Variants in DOCK2 observed in about 807,000 individuals in gnomAD.
The protein encoded by DOCK2 is dedicator of cytokinesis protein 2.
In DOCK2, 87 loss-of-function variants were observed where a neutral mutation model predicts 248.9. The ratio of observed to expected loss-of-function variants is 0.35; its 90% CI spans 0.29 to 0.42. The LOEUF (loss-of-function observed/expected upper bound fraction) is 0.42. Ranked by LOEUF, DOCK2 falls within the 10% of genes least tolerant of loss-of-function variation. The pLI, the probability that DOCK2 is intolerant of heterozygous loss-of-function variation, is 1.00. For synonymous variants in DOCK2, 805 were observed against 821.6 expected, an observed-to-expected ratio of 0.98 and a Z score of 0.35; for missense variants, 1,747 against 2,300.2, an observed-to-expected ratio of 0.76 and a Z score of 4.92.
intron 15 of DOCK2, among the ~76,000 whole-genome samples, 181 bp downstream of exon 15, chr5:169,708,448 C>T (rs183841402): frequency 3.5e-4 from 54 of 152,180 alleles, no homozygotes; most frequent in African/African-American, 1.2e-3. Context: ...AGCCTGACCA[C>T]GACCACGCTG....
In DOCK2 at chr5:169,894,563, AG is replaced by A. The variant is rs200147973; in HGVS notation, c.2799+53717del. Reference sequence around the variant, plus strand: ...GAAGAATTTTCACAAGGGGAAGAGAAGGGGGGAAGTTTATGGTCTGATCTAA... The same window carrying A: ...GAAGAATTTTCACAAGGGGAAGAGAAGGGGGAAGTTTATGGTCTGATCTAA... On this transcript the variant is annotated intron_variant, in intron 27 of 51. Coordinates refer to ENST00000520908, the MANE Select transcript of DOCK2 (RefSeq NM_004946.3). Among the ~76,000 whole-genome samples, 951 of 152,298 alleles carry A rather than the reference AG, an allele frequency of 6.2e-3. 3 individuals are homozygous for A. Among genetic ancestry groups the A allele is most frequent in the East Asian group, 9.8e-3 (51 of 5,186 alleles).
chr5:170,020,851 T>C (rs1020449011), intron 33 of DOCK2, among the ~76,000 whole-genome samples: 2 of 152,374 alleles, frequency 1.3e-5, no homozygotes, highest in Non-Finnish European at 2.9e-5. Flanking sequence ...GTTTCAAGGT[T>C]AAATACCTTT....
chr5:169,883,796 G>T, intron 27 of DOCK2: 1 of 1,551,600 alleles, frequency 6.4e-7, no homozygotes. Context: ...CTCACCTGCT[G>T]GGATTTGCTC....
At chr5:169,825,811 C>G (rs978765765) in intron 26 of DOCK2, among the ~76,000 whole-genome samples, 1 of 146,408 alleles carries the variant, frequency 6.8e-6, no homozygotes, top group African/African-American at 2.5e-5. Flanking sequence ...AATATTGAAA[C>G]GTTTGCATAA....
rs952502443 is a variant in DOCK2, at chr5:169,883,703, C to G, written c.2799+42851C>G. The stretch of plus-strand genomic sequence containing the variant: ...TGGTGCCTGGTTGCTTGAGTCTTCC[C>G]CATCACAGCCGGGTCTTCTGGAGTT... On this transcript the variant is annotated intron_variant, in intron 27 of 51. Transcript: ENST00000520908. The G allele has an allele frequency of 3.9e-6, 6 of 1,551,318 alleles. No homozygotes were observed. The highest frequency in any genetic ancestry group is 3.3e-4 in the Middle Eastern group (2 of 5,984).
At chr5:169,858,592 T>C (rs1771016034) in intron 27 of DOCK2, among the ~76,000 whole-genome samples, 1 of 152,294 alleles carries the variant, frequency 6.6e-6, no homozygotes, top group Admixed American at 6.5e-5. Context: ...ACATACCTAG[T>C]CTTACTTCCT....
At chr5:170,039,333 A>T (rs1756432883) in intron 36 of DOCK2, among the ~76,000 whole-genome samples, 1 of 152,146 alleles carries the variant, frequency 6.6e-6, no homozygotes, top group African/African-American at 2.4e-5. Flanking sequence ...CTAGTACCAT[A>T]GACCACTCCT....
intron 22 of DOCK2, among the ~76,000 whole-genome samples, chr5:169,741,364 T>C (rs1044842185): frequency 1.3e-5 from 2 of 152,184 alleles, no homozygotes; most frequent in African/African-American, 4.8e-5. Context: ...ATGAACAGGA[T>C]TGGGAAGTGC....
intron 27 of DOCK2, among the ~76,000 whole-genome samples, chr5:169,916,135 G>A (rs927228132): frequency 1.3e-5 from 2 of 152,294 alleles, no homozygotes; most frequent in South Asian, 2.1e-4. Flanking sequence ...CCTGATTCCC[G>A]GGATTTACTC....
At chr5:169,928,748 AG>A (rs1775601422) in intron 27 of DOCK2, among the ~76,000 whole-genome samples, 1 of 152,260 alleles carries the variant, frequency 6.6e-6, no homozygotes, top group African/African-American at 2.4e-5. Flanking sequence ...ACAGTTATAC[AG>A]GAATGAGTGG....
chr5:169,668,387 C>T (rs778980160), intron 2 of DOCK2, among the ~76,000 whole-genome samples: 8 of 152,130 alleles, frequency 5.3e-5, no homozygotes, highest in Admixed American at 2.6e-4. Context: ...AGGACCTGGC[C>T]GTCAGGCTGG....
intron 27 of DOCK2, chr5:169,882,488 T>C: frequency 2.9e-6 from 4 of 1,358,126 alleles, no homozygotes; most frequent in Non-Finnish European, 3.0e-6. Flanking sequence ...CAAAGCTGTC[T>C]CTGCCCCTGT....
At chr5:170,048,470 G>A (rs1288242441) in intron 40 of DOCK2, among the ~76,000 whole-genome samples, 1 of 152,114 alleles carries the variant, frequency 6.6e-6, no homozygotes, top group African/African-American at 2.4e-5. Flanking sequence ...TGCAATTTTA[G>A]GAAAAATAGC....
intron 27 of DOCK2, among the ~76,000 whole-genome samples, chr5:169,973,000 T>C (rs1421008659): frequency 6.6e-6 from 1 of 152,102 alleles, no homozygotes; most frequent in Non-Finnish European, 1.5e-5. Flanking sequence ...AGGGAGGAAG[T>C]GCTAAAAGAG....
chr5:170,021,226 C>T (rs9313483), intron 33 of DOCK2, among the ~76,000 whole-genome samples: 5,384 of 152,154 alleles, frequency 0.035, 186 homozygotes, highest in African/African-American at 0.096. Context: ...AAGGTGAAAG[C>T]TTGGATTGAG....
At chr5:170,058,568 A>AAG (rs1757218146) in intron 44 of DOCK2, among the ~76,000 whole-genome samples, 1 of 152,126 alleles carries the variant, frequency 6.6e-6, no homozygotes, top group Non-Finnish European at 1.5e-5. Context: ...GCTGACATTG[A>AAG]AGAGAGAGAC....
intron 10 of DOCK2, among the ~76,000 whole-genome samples, chr5:169,697,523 T>C (rs186317215): frequency 1.3e-5 from 2 of 152,302 alleles, no homozygotes; most frequent in East Asian, 1.9e-4. Flanking sequence ...CCAGGTCCTA[T>C]GAATAACTTT....
At chr5:169,790,411 C>A (rs1187159821) in intron 25 of DOCK2, among the ~76,000 whole-genome samples, 1 of 152,166 alleles carries the variant, frequency 6.6e-6, no homozygotes, top group East Asian at 1.9e-4. Context: ...AGAACGCTTG[C>A]CTGAGCCCTC....
chr5:170,011,996 T>A (rs1037069799), intron 32 of DOCK2, among the ~76,000 whole-genome samples: 11 of 152,190 alleles, frequency 7.2e-5, no homozygotes, highest in African/African-American at 2.7e-4. Flanking sequence ...TTCTGTTGCA[T>A]CCTTAACTGA....
Sources: allele counts gnomAD v4.1 joint callset (sites outside exome capture counted in the v4.1 genomes callset), GRCh38; gene constraint gnomAD v4.1.1; transcripts MANE v1.5; gene names NCBI Gene and HGNC (gene_info 2026-07-23, HGNC 2026-07-21).